PCED1B: variants seen among roughly 807,000 people sequenced by gnomAD.
PCED1B encodes PC-esterase domain containing 1B.
For missense variants in PCED1B, 573 were observed against 573.9 expected (o/e 1.00, Z 0.02); for synonymous variants, 251 against 246.1 (o/e 1.02, Z -0.19).
chr12:47,159,179 C>T (rs1941291221), intron 2 of PCED1B, among the ~76,000 whole-genome samples: 2 of 152,122 alleles, frequency 1.3e-5, no homozygotes, highest in South Asian at 4.1e-4. Flanking sequence ...CACATTCTTG[C>T]TATTGTGAAT....
chr12:47,162,732 T>C (rs1367900023), intron 2 of PCED1B, among the ~76,000 whole-genome samples: 1 of 152,148 alleles, frequency 6.6e-6, no homozygotes, highest in African/African-American at 2.4e-5. Flanking sequence ...ACGCACTCAT[T>C]ACTGCAAGGA....
At chr12:47,150,832 G>A (rs1025824028) in intron 2 of PCED1B, among the ~76,000 whole-genome samples, 1 of 152,108 alleles carries the variant, frequency 6.6e-6, no homozygotes, top group Admixed American at 6.6e-5. Context: ...GCATAAGAGG[G>A]CCAGATCATG....
intron 2 of PCED1B, among the ~76,000 whole-genome samples, chr12:47,133,776 C>T (rs927412364): frequency 6.6e-6 from 1 of 152,170 alleles, no homozygotes; most frequent in African/African-American, 2.4e-5. Flanking sequence ...TGTTTCTGTC[C>T]CCTAAAAAGT....
chr12:47,110,696 A>G (rs76636969), intron 2 of PCED1B, among the ~76,000 whole-genome samples: 4,549 of 152,308 alleles, frequency 0.03, 226 homozygotes, highest in African/African-American at 0.1. Flanking sequence ...CTAATCAGAA[A>G]TATAATCAAT....
intron 1 of PCED1B, among the ~76,000 whole-genome samples, chr12:47,089,110 G>T (rs1938126480): frequency 6.6e-6 from 1 of 151,958 alleles, no homozygotes; most frequent in South Asian, 2.1e-4. Flanking sequence ...TATTTTTGGT[G>T]TCCCAGGGCT....
rs1943992941 is a variant in PCED1B at position 47,236,505 on chromosome 12, A to G, written c.*143A>G. ...CGTCTTCCTTTTGTTCATTGCTGTTACCAAGAAAGCCAAGGAAGAGCAGCC... is the reference window on the plus strand; with the variant it reads ...CGTCTTCCTTTTGTTCATTGCTGTTGCCAAGAAAGCCAAGGAAGAGCAGCC... On this transcript the variant is annotated 3_prime_UTR_variant, in exon 4 of 4. Transcript: ENST00000546455. 1 of 878,698 alleles carries G rather than the reference A, an allele frequency of 1.1e-6. No homozygotes were observed. Among genetic ancestry groups the G allele is most frequent in the African/African-American group, 1.7e-5 (1 of 58,342 alleles). The allele number at this position is 878,698 out of a possible 1,614,324, so 54.4% of individuals were successfully genotyped here.
chr12:47,179,997 A>T (rs562811650), intron 2 of PCED1B, among the ~76,000 whole-genome samples: 1 of 152,258 alleles, frequency 6.6e-6, no homozygotes, highest in East Asian at 1.9e-4. Context: ...TTTGTTACAT[A>T]TGCAAACATG....
chr12:47,110,310 C>T (rs111372084), intron 2 of PCED1B, among the ~76,000 whole-genome samples: 19 of 152,286 alleles, frequency 1.2e-4, no homozygotes, highest in Admixed American at 4.6e-4. Context: ...TGTTTGGAGG[C>T]CATAATGTGA....
At chr12:47,201,450 G>C in intron 2 of PCED1B, among the ~76,000 whole-genome samples, 1 of 152,106 alleles carries the variant, frequency 6.6e-6, no homozygotes, top group Non-Finnish European at 1.5e-5. Flanking sequence ...GGCTCTCTTA[G>C]CTAAGGGAGA....
At chr12:47,140,233 A>T (rs1208015719) in intron 2 of PCED1B, among the ~76,000 whole-genome samples, 1 of 152,238 alleles carries the variant, frequency 6.6e-6, no homozygotes, top group African/African-American at 2.4e-5. Flanking sequence ...CTTTTGCTAC[A>T]TCATCCTGAT....
At chr12:47,172,186 A>G (rs1483303241) in intron 2 of PCED1B, among the ~76,000 whole-genome samples, 1 of 152,074 alleles carries the variant, frequency 6.6e-6, no homozygotes, top group African/African-American at 2.4e-5. Flanking sequence ...CAAGTCTGCT[A>G]TCTTTTTGCT....
chr12:47,234,806 C>A (rs1448780031), intron 3 of PCED1B, among the ~76,000 whole-genome samples: 1 of 152,202 alleles, frequency 6.6e-6, no homozygotes. Context: ...CTAGACAAGG[C>A]TTTTGGCTCC....
In PCED1B at chr12:47,186,977, C is replaced by G. The variant is rs186577868; in HGVS notation, c.-525-29245C>G. 2.2e-3 allele frequency among the ~76,000 whole-genome samples: 332 copies of G among 152,202 alleles called. 1 individual carries two copies. Among genetic ancestry groups the G allele is most frequent in the African/African-American group, 7.8e-3 (322 of 41,530 alleles). On this transcript the variant is annotated intron_variant, in intron 2 of 3. Transcript: ENST00000546455. ...TGACTGGTTAGGCCTATCCTGGAGT[C>G]GGGGACCACTCTCCTTGGAAGCAAA...
intron 2 of PCED1B, among the ~76,000 whole-genome samples, chr12:47,196,262 A>G (rs1942599610): frequency 1.3e-5 from 2 of 152,250 alleles, no homozygotes; most frequent in South Asian, 4.1e-4. Context: ...AGTGTCTGGC[A>G]TTAGAGCAAC....
chr12:47,180,161 C>T (rs1352906174), intron 2 of PCED1B, among the ~76,000 whole-genome samples: 2 of 152,190 alleles, frequency 1.3e-5, no homozygotes, highest in Admixed American at 1.3e-4. Flanking sequence ...TCTCATCGTT[C>T]ACCTCCCACT....
intron 2 of PCED1B, chr12:47,205,793 A>G (rs2137733590): frequency 6.6e-6 from 1 of 152,300 alleles, no homozygotes; most frequent in South Asian, 2.1e-4. Flanking sequence ...GGCAATAACC[A>G]TGTAACCGCC....
At chr12:47,107,839 A>T (rs557484064) in intron 2 of PCED1B, among the ~76,000 whole-genome samples, 1 of 152,312 alleles carries the variant, frequency 6.6e-6, no homozygotes, top group East Asian at 1.9e-4. Context: ...TTAATTCCCA[A>T]AACTTCTCTT....
intron 2 of PCED1B, among the ~76,000 whole-genome samples, chr12:47,137,235 T>C (rs1441685728): frequency 6.6e-6 from 1 of 152,222 alleles, no homozygotes; most frequent in Non-Finnish European, 1.5e-5. Flanking sequence ...ATTTTTTATT[T>C]CCTTCACATT....
chr12:47,080,465 C>T (rs74083838), intron 1 of PCED1B, among the ~76,000 whole-genome samples: 1 of 152,328 alleles, frequency 6.6e-6, no homozygotes, highest in African/African-American at 2.4e-5. Context: ...AACCCAGAAG[C>T]AGCCTGACGT....
Sources: gnomAD v4.1 joint callset for allele counts (sites outside exome capture counted in the v4.1 genomes callset) on GRCh38, gnomAD v4.1.1 for gene constraint, MANE v1.5 for transcripts, NCBI Gene and HGNC (gene_info 2026-07-23, HGNC 2026-07-21) for gene names.